The following PLA2G2D variants were observed in gnomAD, a reference collection of about 807,000 sequenced individuals.
The protein encoded by PLA2G2D is group IID secretory phospholipase A2.
Under a neutral mutation model 13.9 loss-of-function variants are expected in PLA2G2D, and 17 were observed. The ratio of observed to expected loss-of-function variants is 1.23; its 90% CI spans 0.84 to 1.84. PLA2G2D has a LOEUF of 1.84. PLA2G2D is among the 40% of genes most tolerant of loss of function. The pLI, the probability that PLA2G2D is intolerant of heterozygous loss-of-function variation, is 0.00. For synonymous variants in PLA2G2D, 83 were observed against 69.3 expected (o/e 1.20, Z -0.98); for missense variants, 194 against 178.7 (o/e 1.09, Z -0.49).
rs1225341185 is a variant in PLA2G2D, at chr1:20,115,526, G to C, written c.273C>G (p.Ser91=). ...ACTCACAGCAGTGGATGTTCCCCTG[G>C]GAAAAGTTGTATCTGTAATAGTCCT... The part of the protein sequence containing the change: ...IYKDYYRYNF[S]QGNIHCSDKG... Residue 91 remains serine, a synonymous_variant, in exon 3 of 4, where the codon TCC becomes TCG. Transcript: ENST00000375105. The C allele has an allele frequency of 6.2e-7, 1 of 1,604,568 alleles. No homozygotes were observed. Among genetic ancestry groups the C allele is most frequent in the Non-Finnish European group, 8.5e-7 (1 of 1,171,612 alleles).
chr1:20,115,900 G>C (rs1373036487), intron 2 of PLA2G2D, among the ~76,000 whole-genome samples: 1 of 152,214 alleles, frequency 6.6e-6, no homozygotes, highest in Non-Finnish European at 1.5e-5. Context: ...GGGAGGTCAA[G>C]ACACTTGCCC....
At chr1:20,117,709 C>A (rs2017017602) in intron 1 of PLA2G2D, among the ~76,000 whole-genome samples, 1 of 152,060 alleles carries the variant, frequency 6.6e-6, no homozygotes, top group Non-Finnish European at 1.5e-5. Context: ...CCCGATGGAG[C>A]CCAGAGTCTC....
At chr1:20,118,163 G>A (rs1292419230) in intron 1 of PLA2G2D, among the ~76,000 whole-genome samples, 1 of 152,130 alleles carries the variant, frequency 6.6e-6, no homozygotes, top group African/African-American at 2.4e-5. Flanking sequence ...ATCAACCAGA[G>A]CCCCGCGTTC....
chr1:20,113,984 T>G lies in PLA2G2D; in HGVS notation c.*130A>C. 4 of 738,830 alleles carry G rather than the reference T, an allele frequency of 5.4e-6. No individual in the cohort carries two copies. The highest frequency in any genetic ancestry group is 8.9e-6 in the Non-Finnish European group (4 of 447,714). The allele number at this position is 738,830 out of a possible 1,614,324, so 45.8% of individuals were successfully genotyped here. A position where few individuals can be genotyped will look rare whatever the true frequency, so the allele number is the denominator to read the frequency against. ...GCTTCAGAAGGTCAGAAGGCATTGG[T>G]AGAGGGTTCCGGGGGAGGCTGGGAC... On this transcript the variant is annotated 3_prime_UTR_variant, in exon 4 of 4. Transcript: ENST00000375105.
Position 20,115,556 on chromosome 1 carries a change from G to C in PLA2G2D, c.243C>G (p.Ile81Met). Residue 81 changes from isoleucine to methionine, a missense_variant, in exon 3 of 4, where the codon ATC becomes ATG. Physicochemically the swap from Ile to Met is conservative, Grantham distance 10. Coordinates refer to ENST00000375105, the MANE Select transcript of PLA2G2D (RefSeq NM_012400.4). ...YDHLKTQGCSIYKDYYRYNFS... is the reference protein window; with the variant it reads ...YDHLKTQGCSMYKDYYRYNFS... ...AGTTGTATCTGTAATAGTCCTTGTA[G>C]ATGCTGCACCCCTGGGTCTTCAGGT... 1 of 1,612,992 alleles carries C rather than the reference G, an allele frequency of 6.2e-7. No homozygotes were observed. Among genetic ancestry groups the C allele is most frequent in the Non-Finnish European group, 8.5e-7 (1 of 1,178,952 alleles).
rs1569868155 is a variant in PLA2G2D, at chr1:20,113,995, G to A, written c.*119C>T. 6 of 853,922 alleles carry A rather than the reference G, an allele frequency of 7.0e-6. No homozygotes were observed. The highest frequency in any genetic ancestry group is 2.6e-5 in the Admixed American group (1 of 39,006). 52.9% of individuals were successfully genotyped at this position (853,922 alleles called of 1,614,324 possible). A position where few individuals can be genotyped will look rare whatever the true frequency, so the allele number is the denominator to read the frequency against. On this transcript the variant is annotated 3_prime_UTR_variant, in exon 4 of 4. Coordinates refer to ENST00000375105, the MANE Select transcript of PLA2G2D (RefSeq NM_012400.4). ...TCAGAAGGCATTGGTAGAGGGTTCCGGGGGAGGCTGGGACTACCTCCCCCC... is the reference window on the plus strand; with the variant it reads ...TCAGAAGGCATTGGTAGAGGGTTCCAGGGGAGGCTGGGACTACCTCCCCCC...
chr1:20,114,650 G>A (rs986634434), intron 3 of PLA2G2D, among the ~76,000 whole-genome samples: 2 of 152,132 alleles, frequency 1.3e-5, no homozygotes, highest in African/African-American at 2.4e-5. Flanking sequence ...AGCTGAGATC[G>A]GAAGGGTCTG....
At chr1:20,116,544 G>GGAC in intron 1 of PLA2G2D, 67 bp from the exon 2 acceptor site, 1 of 1,496,248 alleles carries the variant, frequency 6.7e-7, no homozygotes, top group Non-Finnish European at 9.3e-7. Context: ...AATGGGCACA[G>GGAC]GACGGCACCT....
At chr1:20,115,083 T>C (rs995540503) in intron 3 of PLA2G2D, among the ~76,000 whole-genome samples, 2 of 152,168 alleles carry the variant, frequency 1.3e-5, no homozygotes, top group African/African-American at 4.8e-5. Context: ...ATCAGGGTTT[T>C]GCCGATCCTC....
intron 1 of PLA2G2D, among the ~76,000 whole-genome samples, chr1:20,117,886 G>A (rs1014791672): frequency 6.6e-6 from 1 of 152,156 alleles, no homozygotes; most frequent in Non-Finnish European, 1.5e-5. Context: ...CAAAGAGTGA[G>A]ACCACACACA....
intron 1 of PLA2G2D, 117 bp downstream of exon 1, chr1:20,119,342 A>T (rs371476792): frequency 1.1e-6 from 1 of 889,284 alleles, no homozygotes; most frequent in African/African-American, 1.6e-5. Flanking sequence ...AGGATTGGGG[A>T]GTGGGGGCCA....
intron 1 of PLA2G2D, among the ~76,000 whole-genome samples, 175 bp downstream of exon 1, chr1:20,119,284 C>A (rs2100677352): frequency 6.6e-6 from 1 of 152,310 alleles, no homozygotes; most frequent in Non-Finnish European, 1.5e-5. Context: ...CTGAAGCTAC[C>A]ATGCTAGGAG....
rs10916710 is a variant in PLA2G2D at position 20,114,290 on chromosome 1, T to C, written c.293-31A>G. 9,109 of 1,600,096 alleles carry C rather than the reference T, an allele frequency of 5.7e-3. 307 individuals are homozygous for C. The South Asian group carries it at 0.062, about 11-fold the overall frequency. On this transcript the variant is annotated intron_variant, in intron 3 of 3. Coordinates refer to ENST00000375105, the MANE Select transcript of PLA2G2D (RefSeq NM_012400.4). ...GACGGAGAAGGGGGAGCTATGTGTT[T>C]GTCCTTTTCCGAGACAGAGGCAGGT... is the stretch of plus-strand genomic sequence containing the variant.
At position 20,116,974 on chromosome 1, in the gene PLA2G2D, G is replaced by T. The variant is rs572656121; in HGVS notation, c.41-497C>A. ...AGACTTTGTCTCAAGGAAAAAAAGT[G>T]ACAATTACTGAGTGCTTACTATAGG... On this transcript the variant is annotated intron_variant, in intron 1 of 3. Coordinates refer to ENST00000375105, the MANE Select transcript of PLA2G2D (RefSeq NM_012400.4). Among the ~76,000 whole-genome samples, 137 of 152,038 alleles carry T rather than the reference G, an allele frequency of 9.0e-4. 4 individuals carry two copies. The highest frequency in any genetic ancestry group is 3.0e-3 in the African/African-American group (125 of 41,520).
At chr1:20,115,637 T>C (rs2016971467) in intron 2 of PLA2G2D, 24 bp from the exon 3 acceptor site, 10 of 1,440,576 alleles carry the variant, frequency 6.9e-6, no homozygotes, top group Non-Finnish European at 9.8e-6. Flanking sequence ...GGTGCACAGC[T>C]GCATGGGTCC....
intron 3 of PLA2G2D, 49 bp from the exon 4 acceptor site, chr1:20,114,308 A>G (rs369294492): frequency 7.5e-5 from 118 of 1,581,680 alleles, no homozygotes; most frequent in Non-Finnish European, 9.7e-5. Flanking sequence ...TCCGAGACAG[A>G]GGCAGGTATG....
Position 20,119,512 on chromosome 1 carries a change from A to G in PLA2G2D, c.-14T>C. ...TGCAAGTTCCATGATCCCAGCACAG[A>G]GCAGTGGAGGCAGATGCTGGCAGTC... On this transcript the variant is annotated 5_prime_UTR_variant, in exon 1 of 4. Coordinates refer to ENST00000375105, the MANE Select transcript of PLA2G2D (RefSeq NM_012400.4). The G allele has an allele frequency of 1.9e-6, 3 of 1,613,580 alleles. No individual in the cohort carries two copies. The highest frequency in any genetic ancestry group is 2.5e-6 in the Non-Finnish European group (3 of 1,179,642).
rs62541900 is a variant in PLA2G2D, at chr1:20,114,191, G to C, written c.361C>G (p.Arg121Gly). ...CGCTTCTGGTAGGTGTCCAGGTTGC[G>C]CTTCAGGCAGAAGGCCACCTCCTTG... Reference protein sequence around the residue: ...CDKEVAFCLKRNLDTYQKRLR... With the variant: ...CDKEVAFCLKGNLDTYQKRLR... Residue 121 changes from arginine to glycine, a missense_variant, in exon 4 of 4, where the codon CGC becomes GGC. Physicochemically the swap from Arg to Gly is moderately radical, Grantham distance 125. Transcript: ENST00000375105. 34 of 1,613,852 alleles carry C rather than the reference G, an allele frequency of 2.1e-5. No individual in the cohort carries two copies. The highest frequency in any genetic ancestry group is 6.7e-5 in the Admixed American group (4 of 60,006).
chr1:20,117,568 G>A (rs1329694158), intron 1 of PLA2G2D, among the ~76,000 whole-genome samples: 1 of 152,192 alleles, frequency 6.6e-6, no homozygotes, highest in Non-Finnish European at 1.5e-5. Context: ...ATTATGTTGA[G>A]TTAGGAGAAA....
Sources: gnomAD v4.1 joint callset for allele counts (sites outside exome capture counted in the v4.1 genomes callset) on GRCh38, gnomAD v4.1.1 for gene constraint, MANE v1.5 for transcripts, NCBI Gene and HGNC (gene_info 2026-07-23, HGNC 2026-07-21) for gene names.